The following COX7B2 variants were observed in gnomAD, a reference collection of about 807,000 sequenced individuals.
COX7B2 encodes cytochrome c oxidase subunit 7B2, mitochondrial.
For missense variants in COX7B2, 109 were observed against 95.9 expected (o/e 1.14, Z -0.57); for synonymous variants, 37 against 32.1 (o/e 1.15, Z -0.51).
At chr4:46,744,738 A>AT (rs773481406) in intron 2 of COX7B2, among the ~76,000 whole-genome samples, 2,728 of 124,640 alleles carry the variant, frequency 0.022, 67 homozygotes, top group East Asian at 0.086. Flanking sequence ...AGATATTTTA[A>AT]TTTTTTTTTT....
chr4:46,791,555 T>C (rs1718048377), intron 2 of COX7B2, among the ~76,000 whole-genome samples: 1 of 152,188 alleles, frequency 6.6e-6, no homozygotes, highest in African/African-American at 2.4e-5. Context: ...CCCATCCTTC[T>C]AAACTCAAAA....
At chr4:46,867,196 T>C (rs1043359009) in intron 1 of COX7B2, among the ~76,000 whole-genome samples, 5 of 152,154 alleles carry the variant, frequency 3.3e-5, no homozygotes, top group Admixed American at 6.5e-5. Flanking sequence ...ATAACCAGAG[T>C]TTCTACTCCT....
Position 46,797,151 on chromosome 4 carries a change from G to A in COX7B2, c.-50+47809C>T, listed in dbSNP as rs191905032. Among the ~76,000 whole-genome samples the A allele has an allele frequency of 5.5e-4, 77 of 139,508 alleles. 1 individual carries two copies. Among genetic ancestry groups the A allele is most frequent in the African/African-American group, 1.9e-3 (70 of 37,686 alleles). 91.5% of individuals were successfully genotyped at this position (139,508 alleles called of 152,430 possible). A position where few individuals can be genotyped will look rare whatever the true frequency, so the allele number is the denominator to read the frequency against. On this transcript the variant is annotated intron_variant, in intron 2 of 2. Transcript: ENST00000355591. ...GAGAGTCAGGGTTATCTCAAGGAAG[G>A]ATTCTGGTACACTACCAAAAACTTA...
intron 2 of COX7B2, among the ~76,000 whole-genome samples, chr4:46,752,218 T>C (rs1715429301): frequency 6.6e-6 from 1 of 152,122 alleles, no homozygotes; most frequent in Non-Finnish European, 1.5e-5. Context: ...CACACTTTGT[T>C]TGTCTGTTAT....
chr4:46,881,011 A>AAAAAAAAAAAAAAC (rs1197072002), intron 1 of COX7B2, among the ~76,000 whole-genome samples: 4 of 148,854 alleles, frequency 2.7e-5, no homozygotes, highest in African/African-American at 7.4e-5. Context: ...AAAAAAAAAA[A>AAAAAAAAAAAAAAC]CTCTTGGATT....
At chr4:46,803,242 C>T (rs934941183) in intron 2 of COX7B2, among the ~76,000 whole-genome samples, 5 of 152,108 alleles carry the variant, frequency 3.3e-5, no homozygotes, top group African/African-American at 1.2e-4. Flanking sequence ...TAGTTTGAGG[C>T]TTTGCGCGTA....
rs141682021 is a variant in COX7B2 at position 46,791,844 on chromosome 4, T to C, written c.-50+53116A>G. Among the ~76,000 whole-genome samples, 7 of 152,310 alleles carry C rather than the reference T, an allele frequency of 4.6e-5. No individual in the cohort carries two copies. In the East Asian group the frequency reaches 7.7e-4, roughly 17 times the overall value. The stretch of plus-strand genomic sequence containing the variant: ...ATCTGTTGATTCTCTTGCCTGTGAG[T>C]TCCAGTTTGCACCCAATGATGCTTA... On this transcript the variant is annotated intron_variant, in intron 2 of 2. Transcript: ENST00000355591.
At chr4:46,783,616 A>C (rs778280230) in intron 2 of COX7B2, among the ~76,000 whole-genome samples, 6 of 152,202 alleles carry the variant, frequency 3.9e-5, no homozygotes, top group Non-Finnish European at 8.8e-5. Flanking sequence ...TGTTTACTTA[A>C]AGCTTTCTTT....
chr4:46,798,787 A>C (rs998436343), intron 2 of COX7B2, among the ~76,000 whole-genome samples: 3 of 152,192 alleles, frequency 2.0e-5, no homozygotes, highest in Non-Finnish European at 4.4e-5. Context: ...TGATATATAC[A>C]TGATGGGTCC....
chr4:46,754,722 G>GTATATATATATATATA (rs1396491793), intron 2 of COX7B2, among the ~76,000 whole-genome samples: 88 of 34,066 alleles, frequency 2.6e-3, no homozygotes, highest in African/African-American at 0.011. Context: ...GTGTGTGTGT[G>GTATATATATATATATA]TGTGTGTATA....
chr4:46,875,695 C>A (rs1224302513), intron 1 of COX7B2, among the ~76,000 whole-genome samples: 1 of 151,918 alleles, frequency 6.6e-6, no homozygotes, highest in East Asian at 1.9e-4. Flanking sequence ...CCTATGACTT[C>A]CCAACTAAAT....
At chr4:46,824,394 TATACATCGC>T (rs1714528060) in intron 2 of COX7B2, among the ~76,000 whole-genome samples, 1 of 152,088 alleles carries the variant, frequency 6.6e-6, no homozygotes, top group Admixed American at 6.6e-5. Flanking sequence ...GATAGTGAGG[TATACATCGC>T]TGGCCCTCAT....
intron 1 of COX7B2, among the ~76,000 whole-genome samples, chr4:46,852,227 G>A (rs1011790693): frequency 3.9e-5 from 6 of 152,090 alleles, no homozygotes; most frequent in Admixed American, 2.0e-4. Context: ...TATTCTGGAC[G>A]TTAAAATCCA....
At chr4:46,828,622 G>A (rs1714849931) in intron 2 of COX7B2, among the ~76,000 whole-genome samples, 2 of 152,200 alleles carry the variant, frequency 1.3e-5, no homozygotes, top group South Asian at 2.1e-4. Context: ...TGGAATTCCA[G>A]GCAATAACGA....
chr4:46,825,338 C>G (rs1714610837), intron 2 of COX7B2, among the ~76,000 whole-genome samples: 1 of 151,788 alleles, frequency 6.6e-6, no homozygotes, highest in Non-Finnish European at 1.5e-5. Flanking sequence ...AGGTGAAAGA[C>G]CTCTACAATG....
chr4:46,810,496 T>C (rs778948895), intron 2 of COX7B2, among the ~76,000 whole-genome samples: 3 of 152,080 alleles, frequency 2.0e-5, no homozygotes, highest in Non-Finnish European at 2.9e-5. Context: ...TCTTATAGTC[T>C]ACTATTTTAA....
intron 2 of COX7B2, among the ~76,000 whole-genome samples, chr4:46,790,792 T>C (rs1020648853): frequency 5.9e-5 from 9 of 152,168 alleles, no homozygotes; most frequent in Admixed American, 2.0e-4. Context: ...CCAACCATCA[T>C]TTTGGAACTA....
At chr4:46,859,149 A>G (rs1259438241) in intron 1 of COX7B2, among the ~76,000 whole-genome samples, 1 of 152,346 alleles carries the variant, frequency 6.6e-6, no homozygotes, top group East Asian at 1.9e-4. Flanking sequence ...GAGATGGCTG[A>G]AAATGTCGTG....
chr4:46,856,120 T>C (rs767430082), intron 1 of COX7B2, among the ~76,000 whole-genome samples: 1 of 152,026 alleles, frequency 6.6e-6, no homozygotes. Flanking sequence ...GGTGCACCCA[T>C]GTAATCCCAG....
Sources: gnomAD v4.1 joint callset for allele counts (sites outside exome capture counted in the v4.1 genomes callset) on GRCh38, gnomAD v4.1.1 for gene constraint, MANE v1.5 for transcripts, NCBI Gene and HGNC (gene_info 2026-07-23, HGNC 2026-07-21) for gene names.